SAMD5: variants seen among roughly 807,000 people sequenced by gnomAD.
The protein encoded by SAMD5 is sterile alpha motif domain-containing protein 5.
In SAMD5, 13 loss-of-function variants were observed where a neutral mutation model predicts 11.3. The ratio of observed to expected loss-of-function variants is 1.15; its 90% CI spans 0.75 to 1.83. The LOEUF is 1.83. Ranked by LOEUF, SAMD5 falls within the 40% of genes most tolerant of loss-of-function variation. The probability of loss-of-function intolerance (pLI) is 0.00; values close to 1 mark genes in which losing one functional copy is unlikely to be tolerated. For synonymous variants in SAMD5, 129 were observed against 111.3 expected (o/e 1.16, Z -1.00); for missense variants, 255 against 239.1 (o/e 1.07, Z -0.44).
chr6:147,941,273 T>C, the SAMD5 span, among the ~76,000 whole-genome samples: 1 of 152,196 alleles, frequency 6.6e-6, no homozygotes, highest in Non-Finnish European at 1.5e-5. Context: ...TTCAGGGCCA[T>C]GTGTGTGAAT....
the SAMD5 span, among the ~76,000 whole-genome samples, chr6:147,755,611 G>T: frequency 1.3e-5 from 2 of 152,092 alleles, no homozygotes; most frequent in Non-Finnish European, 2.9e-5. Flanking sequence ...GAAAAGGCCT[G>T]CTTGGGTCAG....
chr6:147,607,881 C>T (rs1368670786), intron 1 of SAMD5, among the ~76,000 whole-genome samples: 1 of 152,078 alleles, frequency 6.6e-6, no homozygotes, highest in Non-Finnish European at 1.5e-5. Context: ...TTGCAAACTA[C>T]CCATCTGACA....
chr6:147,901,438 T>G, the SAMD5 span, among the ~76,000 whole-genome samples: 2 of 106,352 alleles, frequency 1.9e-5, no homozygotes, highest in African/African-American at 1.1e-4. Context: ...ACATAAGAAC[T>G]AATCTTCTCC....
Position 147,565,211 on chromosome 6 carries a change from G to A in SAMD5, c.*755G>A, listed in dbSNP as rs552434035. 9 of 985,856 alleles carry A rather than the reference G, an allele frequency of 9.1e-6. No individual in the cohort carries two copies. The East Asian group carries it at 1.0e-3, about 112-fold the overall frequency. The allele number at this position is 985,856 out of a possible 1,614,324, so 61.1% of individuals were successfully genotyped here. A position where few individuals can be genotyped will look rare whatever the true frequency, so the allele number is the denominator to read the frequency against. On this transcript the variant is annotated 3_prime_UTR_variant, in exon 2 of 2. Coordinates refer to ENST00000367474, the MANE Select transcript of SAMD5 (RefSeq NM_001030060.3). ...TATTTTACTTCATAGCTAGTTTCTT[G>A]CACTCTGTGGAGACTGCCAGGGCCG...
intron 1 of SAMD5, among the ~76,000 whole-genome samples, chr6:147,517,424 A>G (rs1788187924): frequency 6.6e-6 from 1 of 152,108 alleles, no homozygotes; most frequent in Non-Finnish European, 1.5e-5. Flanking sequence ...CTCAGCTTCC[A>G]TCGTAGTGGC....
At chr6:147,785,123 C>T in the SAMD5 span, among the ~76,000 whole-genome samples, 1 of 152,124 alleles carries the variant, frequency 6.6e-6, no homozygotes, top group Admixed American at 6.5e-5. Context: ...TTGACTCATT[C>T]CTTCCACCCA....
At chr6:147,541,852 T>A (rs77976619) in intron 1 of SAMD5, among the ~76,000 whole-genome samples, 2,560 of 152,184 alleles carry the variant, frequency 0.017, 53 homozygotes, top group South Asian at 0.069. Flanking sequence ...TTCCTACTAC[T>A]TAGAAAGAGC....
intron 1 of SAMD5, among the ~76,000 whole-genome samples, chr6:147,601,816 C>T (rs1041205553): frequency 6.6e-6 from 1 of 152,144 alleles, no homozygotes; most frequent in African/African-American, 2.4e-5. Context: ...CTTACTTCAC[C>T]GTGAATGCAA....
chr6:147,641,632 A>T (rs1199882684), intron 1 of SAMD5, among the ~76,000 whole-genome samples: 1 of 151,578 alleles, frequency 6.6e-6, no homozygotes, highest in South Asian at 2.1e-4. Context: ...AAGTTTTCAA[A>T]ATGTCTGTAA....
At chr6:147,633,945 A>G (rs554599146) in intron 1 of SAMD5, among the ~76,000 whole-genome samples, 37 of 152,176 alleles carry the variant, frequency 2.4e-4, no homozygotes, top group Non-Finnish European at 4.4e-4. Context: ...ATTCACCTCT[A>G]TCCTTTAGCA....
chr6:147,674,450 C>A (rs143155358), intron 1 of SAMD5, among the ~76,000 whole-genome samples: 4 of 152,164 alleles, frequency 2.6e-5, no homozygotes, highest in Non-Finnish European at 5.9e-5. Context: ...ACCCCTTGCA[C>A]GCACCCAACT....
intron 1 of SAMD5, among the ~76,000 whole-genome samples, chr6:147,656,256 A>C (rs1333400954): frequency 6.6e-6 from 1 of 152,204 alleles, no homozygotes; most frequent in Non-Finnish European, 1.5e-5. Context: ...ACATGACCGA[A>C]TCCCTCTACA....
At chr6:147,552,734 G>T (rs544571243) in intron 1 of SAMD5, among the ~76,000 whole-genome samples, 3 of 152,152 alleles carry the variant, frequency 2.0e-5, no homozygotes, top group African/African-American at 4.8e-5. Flanking sequence ...GCGGGGTTGC[G>T]GAGGCGCAGT....
the SAMD5 span, among the ~76,000 whole-genome samples, chr6:147,770,931 T>C: frequency 6.6e-6 from 1 of 152,066 alleles, no homozygotes; most frequent in Non-Finnish European, 1.5e-5. Flanking sequence ...TCTACAGAGA[T>C]GATAAAAACC....
At chr6:147,709,461 A>C (rs1391027605) in intron 1 of SAMD5, among the ~76,000 whole-genome samples, 1 of 152,216 alleles carries the variant, frequency 6.6e-6, no homozygotes, top group African/African-American at 2.4e-5. Flanking sequence ...ACCATAATCA[A>C]ATTGATTCTT....
chr6:147,754,863 T>A, the SAMD5 span, among the ~76,000 whole-genome samples: 4,804 of 152,150 alleles, frequency 0.032, 206 homozygotes, highest in African/African-American at 0.098. Context: ...AAAAAATGAG[T>A]TTACTGTCAG....
In SAMD5 at chr6:147,595,522, C is replaced by CTT. The variant is rs770537446; in HGVS notation, c.162+86156_162+86157dup. 1.9e-3 allele frequency among the ~76,000 whole-genome samples: 204 copies of CTT among 106,616 alleles called. 1 individual carries two copies. The highest frequency in any genetic ancestry group is 8.3e-3 in the East Asian group (26 of 3,130). The allele number at this position is 106,616 out of a possible 152,430, so 69.9% of individuals were successfully genotyped here. ...CCGTTTTTAGTAGTGACTAAACTAC[C>CTT]TTTTTTTTTTTTTTTTTTTTTTGAG... On this transcript the variant is annotated intron_variant, in intron 1 of 1. Transcript: ENST00000566741.
chr6:147,532,119 CAT>C (rs1199896848), intron 1 of SAMD5, among the ~76,000 whole-genome samples: 2 of 152,160 alleles, frequency 1.3e-5, no homozygotes, highest in South Asian at 2.1e-4. Context: ...CATAGAGTTT[CAT>C]ATATATATTT....
chr6:147,942,840 T>TTTC, the SAMD5 span, among the ~76,000 whole-genome samples: 1 of 147,424 alleles, frequency 6.8e-6, no homozygotes, highest in Admixed American at 6.9e-5. Context: ...TTTTTTTTTT[T>TTTC]CTGAGATGGA....
Sources: gnomAD v4.1 joint callset for allele counts (sites outside exome capture counted in the v4.1 genomes callset) on GRCh38, gnomAD v4.1.1 for gene constraint, MANE v1.5 for transcripts, NCBI Gene and HGNC (gene_info 2026-07-23, HGNC 2026-07-21) for gene names.